AUTS2: variants seen among roughly 807,000 people sequenced by gnomAD.
AUTS2 encodes autism susceptibility gene 2 protein.
A neutral mutation model predicts 112.4 loss-of-function variants in AUTS2; 17 were observed. The observed-to-expected ratio is 0.15, with a 90% CI of 0.10 to 0.23. AUTS2 has a LOEUF of 0.23. Among genes scored for constraint, AUTS2 ranks in the 10% least tolerant of loss-of-function variants. The probability of loss-of-function intolerance (pLI) is 1.00; values close to 1 mark genes in which losing one functional copy is unlikely to be tolerated. For synonymous variants in AUTS2, 751 were observed against 702.7 expected (o/e 1.07, Z -1.09); for missense variants, 1,510 against 1,701.6 (o/e 0.89, Z 1.98).
intron 1 of AUTS2, among the ~76,000 whole-genome samples, chr7:69,727,421 C>T (rs1786569620): frequency 6.6e-6 from 1 of 151,932 alleles, no homozygotes; most frequent in Non-Finnish European, 1.5e-5. Flanking sequence ...GAAACCCCGT[C>T]TCTACTAAAA....
At chr7:69,924,727 T>C (rs1795941066) in intron 2 of AUTS2, among the ~76,000 whole-genome samples, 1 of 152,154 alleles carries the variant, frequency 6.6e-6, no homozygotes, top group South Asian at 2.1e-4. Context: ...AATTTTGTAT[T>C]TTTAGTAGAG....
At chr7:70,505,645 C>T (rs960582847) in intron 5 of AUTS2, among the ~76,000 whole-genome samples, 4 of 152,184 alleles carry the variant, frequency 2.6e-5, no homozygotes, top group Non-Finnish European at 2.9e-5. Context: ...ACAGATTGCA[C>T]GTGGCTCCTG....
chr7:70,240,652 A>G (rs144168017), intron 4 of AUTS2, among the ~76,000 whole-genome samples: 175 of 152,308 alleles, frequency 1.1e-3, no homozygotes, highest in African/African-American at 4.0e-3. Flanking sequence ...CATTTTTGGC[A>G]TTGAACATGT....
intron 2 of AUTS2, among the ~76,000 whole-genome samples, chr7:70,060,473 G>C (rs538186825): frequency 3.6e-4 from 55 of 152,266 alleles, no homozygotes; most frequent in African/African-American, 1.3e-3. Flanking sequence ...TGTTGTAAGC[G>C]AGAAAGACTA....
chr7:69,882,887 C>A (rs545976567), intron 1 of AUTS2, among the ~76,000 whole-genome samples: 1 of 152,298 alleles, frequency 6.6e-6, no homozygotes, highest in East Asian at 1.9e-4. Flanking sequence ...TTTAGAATGA[C>A]AGTTTCCCTT....
chr7:70,081,935 AGT>A (rs3049737), intron 2 of AUTS2, among the ~76,000 whole-genome samples: 69,822 of 146,424 alleles, frequency 0.48, 16,365 homozygotes, highest in East Asian at 0.6. Flanking sequence ...TTCTGTGAAG[AGT>A]GTGTGTGTGT....
chr7:70,475,549 T>C (rs1797549329), intron 5 of AUTS2, among the ~76,000 whole-genome samples: 1 of 152,192 alleles, frequency 6.6e-6, no homozygotes, highest in African/African-American at 2.4e-5. Flanking sequence ...TTATAAACTG[T>C]GTTAATTTTC....
chr7:69,795,779 G>A (rs2129331179), intron 1 of AUTS2, among the ~76,000 whole-genome samples: 1 of 152,330 alleles, frequency 6.6e-6, no homozygotes, highest in East Asian at 1.9e-4. Context: ...CTTGATGAGA[G>A]GAGAGCTTGT....
At chr7:70,562,937 A>G (rs1801551025) in intron 5 of AUTS2, among the ~76,000 whole-genome samples, 1 of 152,194 alleles carries the variant, frequency 6.6e-6, no homozygotes, top group East Asian at 1.9e-4. Flanking sequence ...GATTTGAGGA[A>G]TACAGTGACT....
intron 4 of AUTS2, among the ~76,000 whole-genome samples, chr7:70,383,049 C>G (rs1045298730): frequency 6.6e-6 from 1 of 152,144 alleles, no homozygotes; most frequent in African/African-American, 2.4e-5. Context: ...TTGATATATT[C>G]TGATGCTCTT....
intron 4 of AUTS2, among the ~76,000 whole-genome samples, chr7:70,325,238 C>T (rs373684053): frequency 6.6e-6 from 1 of 152,012 alleles, no homozygotes; most frequent in Non-Finnish European, 1.5e-5. Context: ...GCGGGAGCAT[C>T]GCTTGAGAAC....
At chr7:70,052,501 T>C (rs369105969) in intron 2 of AUTS2, among the ~76,000 whole-genome samples, 1 of 152,328 alleles carries the variant, frequency 6.6e-6, no homozygotes, top group East Asian at 1.9e-4. Context: ...TGGATACAGC[T>C]GTACAGGTTG....
chr7:70,749,238 C>T (rs1409863120), intron 6 of AUTS2, among the ~76,000 whole-genome samples: 3 of 152,152 alleles, frequency 2.0e-5, no homozygotes, highest in Admixed American at 6.5e-5. Context: ...GAAGGATCCG[C>T]AGCCTTATGG....
rs187154632 is a variant in AUTS2 at position 70,514,808 on chromosome 7, A to G, written c.690+79027A>G. 1.2e-4 allele frequency among the ~76,000 whole-genome samples: 19 copies of G among 152,330 alleles called. No individual in the cohort carries two copies. In the East Asian group the frequency reaches 3.7e-3, roughly 29 times the overall value. On this transcript the variant is annotated intron_variant, in intron 5 of 18. Coordinates refer to ENST00000342771, the MANE Select transcript of AUTS2 (RefSeq NM_015570.4). Reference sequence around the variant, plus strand: ...TTTCACCATATCTTGCTGAACATTGACTGTCAACAGACATTTTAATATTCT... The same window carrying G: ...TTTCACCATATCTTGCTGAACATTGGCTGTCAACAGACATTTTAATATTCT...
chr7:69,810,475 TA>T lies in AUTS2; in HGVS notation c.310-88798del, dbSNP rs879573433. On this transcript the variant is annotated intron_variant, in intron 1 of 18. Transcript: ENST00000342771. ...CCTTGGCACACAGTAGTTGTTTAAT[TA>T]AAAAAAAAAAAAGATCCTTGTCTCC... 7.6e-3 allele frequency among the ~76,000 whole-genome samples: 1,080 copies of T among 142,144 alleles called. 5 individuals carry two copies. Among genetic ancestry groups the T allele is most frequent in the African/African-American group, 0.011 (416 of 39,014 alleles). The allele number at this position is 142,144 out of a possible 152,430, so 93.3% of individuals were successfully genotyped here.
At chr7:70,142,706 A>G (rs1431107192) in intron 4 of AUTS2, among the ~76,000 whole-genome samples, 1 of 152,180 alleles carries the variant, frequency 6.6e-6, no homozygotes, top group Admixed American at 6.6e-5. Flanking sequence ...GAAGCGGTAA[A>G]GGCTTTAGCA....
chr7:70,229,776 G>C (rs1448281794), intron 4 of AUTS2, among the ~76,000 whole-genome samples: 1 of 151,986 alleles, frequency 6.6e-6, no homozygotes, highest in South Asian at 2.1e-4. Flanking sequence ...CTGTTCTTCA[G>C]ATTTACAACC....
chr7:69,647,347 CTT>C (rs1156698437), intron 1 of AUTS2, among the ~76,000 whole-genome samples: 1 of 150,202 alleles, frequency 6.7e-6, no homozygotes, highest in Non-Finnish European at 1.5e-5. Flanking sequence ...TGGTCAGACA[CTT>C]TCACTATCTT....
chr7:70,113,897 T>C (rs1287139257), intron 2 of AUTS2, among the ~76,000 whole-genome samples: 1 of 152,234 alleles, frequency 6.6e-6, no homozygotes, highest in African/African-American at 2.4e-5. Flanking sequence ...GGGACTTCGT[T>C]ACATGTTCAT....
Sources: allele counts gnomAD v4.1 joint callset (sites outside exome capture counted in the v4.1 genomes callset), GRCh38; gene constraint gnomAD v4.1.1; transcripts MANE v1.5; gene names NCBI Gene and HGNC (gene_info 2026-07-23, HGNC 2026-07-21).